Variants in ATP9A observed in about 807,000 individuals in gnomAD.
ATP9A encodes the protein probable phospholipid-transporting ATPase IIA.
Under a neutral mutation model 144.1 loss-of-function variants are expected in ATP9A, and 52 were observed. The observed-to-expected ratio is 0.36, with a 90% confidence interval of 0.29 to 0.45. The LOEUF is 0.45. ATP9A is among the 20% of genes least tolerant of loss of function. ATP9A has a pLI of 1.00. For synonymous variants in ATP9A, 582 were observed against 557.4 expected, an observed-to-expected ratio of 1.04 and a Z score of -0.62; for missense variants, 947 against 1,392.7, an observed-to-expected ratio of 0.68 and a Z score of 5.09.
At chr20:51,608,243 G>A (rs1157743437) in intron 25 of ATP9A, among the ~76,000 whole-genome samples, 1 of 152,098 alleles carries the variant, frequency 6.6e-6, no homozygotes, top group African/African-American at 2.4e-5. Context: ...ACTGTCAGGG[G>A]CTTTTTGCAA....
At chr20:51,759,458 A>G (rs1435532489) in intron 1 of ATP9A, among the ~76,000 whole-genome samples, 2 of 152,202 alleles carry the variant, frequency 1.3e-5, no homozygotes, top group Admixed American at 1.3e-4. Context: ...GGATCACCTG[A>G]GGTCAGGAGT....
intron 13 of ATP9A, among the ~76,000 whole-genome samples, chr20:51,664,681 G>A (rs1250907875): frequency 1.3e-5 from 2 of 151,826 alleles, no homozygotes; most frequent in Non-Finnish European, 1.5e-5. Context: ...CATATACTTG[G>A]GGTAAGGAAC....
intron 1 of ATP9A, among the ~76,000 whole-genome samples, chr20:51,733,078 T>A (rs1286750683): frequency 6.6e-6 from 1 of 152,134 alleles, no homozygotes; most frequent in Non-Finnish European, 1.5e-5. Flanking sequence ...TTGTTCTGTT[T>A]TGTTTTAGCA....
intron 1 of ATP9A, among the ~76,000 whole-genome samples, chr20:51,748,672 C>T (rs954285137): frequency 6.6e-6 from 1 of 152,156 alleles, no homozygotes. Context: ...TTTGACGATG[C>T]TATCAAAATT....
At chr20:51,729,170 A>G (rs2122872904) in intron 2 of ATP9A, among the ~76,000 whole-genome samples, 1 of 152,116 alleles carries the variant, frequency 6.6e-6, no homozygotes, top group Non-Finnish European at 1.5e-5. Context: ...TGATGGGGGG[A>G]AATTTAAGCA....
intron 2 of ATP9A, among the ~76,000 whole-genome samples, chr20:51,726,421 T>C (rs4809866): frequency 0.43 from 65,644 of 151,470 alleles, 15,488 homozygotes; most frequent in East Asian, 0.78. Context: ...AAAACATACA[T>C]GGGTAATAAA....
chr20:51,723,563 CTTTTTTTTT>C (rs753282602), intron 3 of ATP9A, among the ~76,000 whole-genome samples: 1 of 133,242 alleles, frequency 7.5e-6, no homozygotes. Flanking sequence ...ACAGCAAATT[CTTTTTTTTT>C]TTTTTTTTTT....
chr20:51,689,277 G>C, intron 8 of ATP9A, 138 bp from the exon 9 acceptor site: 1 of 749,366 alleles, frequency 1.3e-6, no homozygotes. Context: ...GAAGCCGACG[G>C]CTCCACCATG....
intron 14 of ATP9A, among the ~76,000 whole-genome samples, chr20:51,640,544 G>C (rs2077314532): frequency 6.6e-6 from 1 of 152,214 alleles, no homozygotes; most frequent in Non-Finnish European, 1.5e-5. Flanking sequence ...GACAGCGCTG[G>C]CATGTGGCAA....
chr20:51,724,744 A>G (rs1434972616), intron 3 of ATP9A, among the ~76,000 whole-genome samples: 3 of 152,198 alleles, frequency 2.0e-5, no homozygotes, highest in African/African-American at 7.2e-5. Flanking sequence ...TGCCAAATCA[A>G]TGGAGAAAGA....
intron 1 of ATP9A, among the ~76,000 whole-genome samples, chr20:51,739,008 G>A (rs1443359609): frequency 6.6e-6 from 1 of 152,022 alleles, no homozygotes; most frequent in Non-Finnish European, 1.5e-5. Flanking sequence ...AGAATCGCTT[G>A]AACCTGGGAG....
In ATP9A at chr20:51,677,498, G is replaced by A. The variant is rs374033487; in HGVS notation, c.800-1290C>T. ...TGAATGCTGGTCTACGGGGCCCAGC[G>A]GCTTCTAATGGAAGGTGACTGGGGA... On this transcript the variant is annotated intron_variant, in intron 9 of 27. Coordinates refer to ENST00000338821, the MANE Select transcript of ATP9A (RefSeq NM_006045.3). 2.6e-4 allele frequency among the ~76,000 whole-genome samples: 39 copies of A among 152,226 alleles called. No homozygotes were observed. The South Asian group carries it at 5.0e-3, about 19-fold the overall frequency.
rs1301323074 is a variant in ATP9A, at chr20:51,768,345, G to T, written c.25C>A (p.Pro9Thr). Residue 9 changes from proline to threonine, a missense_variant, in exon 1 of 28, where the codon CCG becomes ACG. Pro to Thr is a conservative substitution (Grantham distance 38, BLOSUM62 -1). Coordinates refer to ENST00000338821, the MANE Select transcript of ATP9A (RefSeq NM_006045.3). ...TCCATCCGCTTCTTCTGGCGCACCG[G>T]CTGCAGCGGGATGTTGTCCGTCATG... MTDNIPLQPVRQKKRMDSR... is the reference protein window; with the variant it reads MTDNIPLQTVRQKKRMDSR... 1 of 1,305,110 alleles carries T rather than the reference G, an allele frequency of 7.7e-7. No homozygotes were observed. The highest frequency in any genetic ancestry group is 9.8e-7 in the Non-Finnish European group (1 of 1,016,566). The allele number at this position is 1,305,110 out of a possible 1,614,324, so 80.8% of individuals were successfully genotyped here. A position where few individuals can be genotyped will look rare whatever the true frequency, so the allele number is the denominator to read the frequency against.
intron 3 of ATP9A, among the ~76,000 whole-genome samples, chr20:51,715,947 T>G (rs2077660033): frequency 6.6e-6 from 1 of 151,612 alleles, no homozygotes; most frequent in South Asian, 2.1e-4. Context: ...TTTGCCAAGT[T>G]GTACCTCAAA....
At chr20:51,680,340 C>G (rs961376556) in intron 9 of ATP9A, among the ~76,000 whole-genome samples, 2 of 151,252 alleles carry the variant, frequency 1.3e-5, no homozygotes, top group African/African-American at 4.9e-5. Context: ...GAAAACCCAA[C>G]AAACTGGTCC....
intron 15 of ATP9A, among the ~76,000 whole-genome samples, chr20:51,637,860 C>T (rs2077299381): frequency 6.6e-6 from 1 of 150,902 alleles, no homozygotes; most frequent in South Asian, 2.1e-4. Context: ...GTCCTCCCAC[C>T]CTTTCAGCCC....
At chr20:51,714,769 C>A (rs1367583991) in intron 3 of ATP9A, among the ~76,000 whole-genome samples, 3 of 152,244 alleles carry the variant, frequency 2.0e-5, no homozygotes, top group Admixed American at 1.3e-4. Flanking sequence ...CAGGCATGGG[C>A]CACTGCGCCC....
At chr20:51,604,280 T>G (rs1390229456) in intron 27 of ATP9A, among the ~76,000 whole-genome samples, 1 of 152,136 alleles carries the variant, frequency 6.6e-6, no homozygotes, top group African/African-American at 2.4e-5. Flanking sequence ...ACACGGCAGG[T>G]GCTCCCACGT....
At chr20:51,756,709 T>C (rs557987194) in intron 1 of ATP9A, among the ~76,000 whole-genome samples, 3 of 152,232 alleles carry the variant, frequency 2.0e-5, no homozygotes, top group African/African-American at 7.2e-5. Context: ...CCAAATGCAG[T>C]CACATTCTGA....
Sources: allele counts gnomAD v4.1 joint callset (sites outside exome capture counted in the v4.1 genomes callset), GRCh38; gene constraint gnomAD v4.1.1; transcripts MANE v1.5; gene names NCBI Gene and HGNC (gene_info 2026-07-23, HGNC 2026-07-21).